The following LAMB4 variants were observed in gnomAD, a reference collection of about 807,000 sequenced individuals.
LAMB4 encodes the protein laminin subunit beta-4.
Under a neutral mutation model 199.2 loss-of-function variants are expected in LAMB4, and 196 were observed. That is an observed-to-expected ratio of 0.98 (90% CI 0.88 to 1.11). The LOEUF (loss-of-function observed/expected upper bound fraction) is 1.11. Ranked by LOEUF, LAMB4 falls within the 50% of genes least tolerant of loss-of-function variation. The probability of loss-of-function intolerance (pLI) is 0.00; values close to 1 mark genes in which losing one functional copy is unlikely to be tolerated. For synonymous variants in LAMB4, 744 were observed against 770.6 expected (o/e 0.97, Z 0.57); for missense variants, 2,080 against 2,171.2 (o/e 0.96, Z 0.83).
chr7:108,017,398 A>G, the LAMB4 span, among the ~76,000 whole-genome samples: 1 of 152,194 alleles, frequency 6.6e-6, no homozygotes, highest in Non-Finnish European at 1.5e-5. Context: ...CTCTCTTCCA[A>G]GGGGAGAGAA....
intron 14 of LAMB4, among the ~76,000 whole-genome samples, chr7:108,087,926 G>A (rs1298250796): frequency 6.6e-6 from 1 of 152,180 alleles, no homozygotes; most frequent in Admixed American, 6.5e-5. Context: ...GGTAATAAGA[G>A]CTTTTACTAA....
intron 4 of LAMB4, among the ~76,000 whole-genome samples, chr7:108,110,122 C>T (rs756806024): frequency 1.1e-4 from 16 of 152,142 alleles, no homozygotes; most frequent in African/African-American, 2.9e-4. Flanking sequence ...CTCTGCCTCC[C>T]GGGTCAGGGG....
rs1249941427 is a variant in LAMB4 at position 108,107,481 on chromosome 7, G to A, written c.591+150C>T. 7 of 615,378 alleles carry A rather than the reference G, an allele frequency of 1.1e-5. No homozygotes were observed. In the African/African-American group the frequency reaches 1.3e-4, roughly 12 times the overall value. The allele number at this position is 615,378 out of a possible 1,614,324, so 38.1% of individuals were successfully genotyped here. On this transcript the variant is annotated intron_variant, in intron 6 of 33. Coordinates refer to ENST00000388781, the MANE Select transcript of LAMB4 (RefSeq NM_007356.3). Reference sequence around the variant, plus strand: ...AAAAATGTATTTAGTATTTATTTGGGAATCATTTCAGTTTAGACACTTTCA... The same window carrying A: ...AAAAATGTATTTAGTATTTATTTGGAAATCATTTCAGTTTAGACACTTTCA...
At chr7:108,037,667 A>C in intron 29 of LAMB4, 72 bp from the exon 30 acceptor site, 1 of 1,171,606 alleles carries the variant, frequency 8.5e-7, no homozygotes, top group Non-Finnish European at 1.3e-6. Flanking sequence ...GTATAACCAC[A>C]ATGATGTCTC....
At chr7:108,119,330 C>T (rs2038519080) in intron 2 of LAMB4, among the ~76,000 whole-genome samples, 1 of 152,136 alleles carries the variant, frequency 6.6e-6, no homozygotes, top group South Asian at 2.1e-4. Flanking sequence ...AAACCCTATA[C>T]AAATGTCCAC....
At position 108,121,478 on chromosome 7, in the gene LAMB4, G is replaced by A. The variant is rs375534945; in HGVS notation, c.34+1653C>T. Among the ~76,000 whole-genome samples the A allele has an allele frequency of 3.9e-5, 6 of 152,096 alleles. No homozygotes were observed. In the South Asian group the frequency reaches 1.2e-3, roughly 32 times the overall value. On this transcript the variant is annotated intron_variant, in intron 2 of 33. Coordinates refer to ENST00000388781, the MANE Select transcript of LAMB4 (RefSeq NM_007356.3). ...AAATACCAAGAATGCGGCCTGGCAC[G>A]GTGGCTCACACCTGTAATCCCAGCA...
rs551298833 is a variant in LAMB4, at chr7:108,023,917, G to A, written c.*122C>T. On this transcript the variant is annotated 3_prime_UTR_variant, in exon 34 of 34. Coordinates refer to ENST00000388781, the MANE Select transcript of LAMB4 (RefSeq NM_007356.3). Reference sequence around the variant, plus strand: ...CCACACTGAGCAGGTGTCTAATAAGGACAGGGTGTGGGGAAGGAAGGTAGA... The same window carrying A: ...CCACACTGAGCAGGTGTCTAATAAGAACAGGGTGTGGGGAAGGAAGGTAGA... 5 of 741,806 alleles carry A rather than the reference G, an allele frequency of 6.7e-6. 1 individual carries two copies. The South Asian group carries it at 1.3e-4, about 19-fold the overall frequency. 46.0% of individuals were successfully genotyped at this position (741,806 alleles called of 1,614,324 possible). A position where few individuals can be genotyped will look rare whatever the true frequency, so the allele number is the denominator to read the frequency against.
chr7:108,047,955 A>T lies in LAMB4; in HGVS notation c.4279T>A (p.Ser1427Thr). The T allele has an allele frequency of 6.2e-7, 1 of 1,614,148 alleles. No individual in the cohort carries two copies. Among genetic ancestry groups the T allele is most frequent in the Non-Finnish European group, 8.5e-7 (1 of 1,180,026 alleles). ...NALQKAQEAK[S>T]IIRNLDKQVR... ...TGTTTGTCCAAATTACGAATAATGG[A>T]TTTTGCTTCCTGGGCTTTTTGGAGG... Residue 1427 changes from serine to threonine, a missense_variant, in exon 28 of 34, where the codon TCC becomes ACC. Coordinates refer to ENST00000388781, the MANE Select transcript of LAMB4 (RefSeq NM_007356.3).
chr7:108,077,066 T>G lies in LAMB4; in HGVS notation c.2004-2A>C. The G allele has an allele frequency of 1.9e-6, 3 of 1,613,218 alleles. No homozygotes were observed. The highest frequency in any genetic ancestry group is 2.5e-6 in the Non-Finnish European group (3 of 1,179,590). ...ATGGGTGTGGGAAGCAGCATGATTC[T>G]GTATTAAGAAAGATAAAGCAAAAAT... On this transcript the variant is annotated splice_acceptor_variant, in intron 16 of 33. Coordinates refer to ENST00000388781, the MANE Select transcript of LAMB4 (RefSeq NM_007356.3). LOFTEE classifies it high-confidence loss of function.
chr7:108,025,866 G>T (rs939866356), intron 33 of LAMB4, among the ~76,000 whole-genome samples: 3 of 152,154 alleles, frequency 2.0e-5, no homozygotes, highest in Non-Finnish European at 4.4e-5. Flanking sequence ...AGACCCATTC[G>T]CCATCCTCGT....
chr7:108,069,978 G>T, intron 17 of LAMB4, 93 bp from the exon 18 acceptor site: 1 of 990,898 alleles, frequency 1.0e-6, no homozygotes, highest in Non-Finnish European at 1.5e-6. Flanking sequence ...TGAAAATAAT[G>T]GTTCAAAGAA....
At chr7:108,105,157 T>A (rs1457337120) in intron 8 of LAMB4, among the ~76,000 whole-genome samples, 2 of 152,176 alleles carry the variant, frequency 1.3e-5, no homozygotes, top group African/African-American at 4.8e-5. Context: ...TTTTGCCTAA[T>A]AAACAGTTGA....
At chr7:108,016,152 C>T in the LAMB4 span, among the ~76,000 whole-genome samples, 8 of 152,140 alleles carry the variant, frequency 5.3e-5, no homozygotes, top group African/African-American at 1.9e-4. Flanking sequence ...GGCACATTTC[C>T]CATCACACCT....
intron 11 of LAMB4, among the ~76,000 whole-genome samples, chr7:108,097,579 A>C (rs1233735625): frequency 7.2e-5 from 11 of 152,174 alleles, no homozygotes; most frequent in Non-Finnish European, 1.6e-4. Flanking sequence ...AGGTCAGGAG[A>C]CAGAGACCAT....
At chr7:108,094,489 C>T (rs1372998646) in intron 12 of LAMB4, among the ~76,000 whole-genome samples, 1 of 151,888 alleles carries the variant, frequency 6.6e-6, no homozygotes, top group Non-Finnish European at 1.5e-5. Context: ...AAAACCATGT[C>T]CTCATAGGCA....
intron 14 of LAMB4, among the ~76,000 whole-genome samples, chr7:108,080,818 T>TAA (rs561672595): frequency 1.1e-4 from 15 of 142,498 alleles, no homozygotes; most frequent in African/African-American, 3.6e-4. Context: ...TTCAAACATT[T>TAA]AAAAAAAAAA....
At chr7:108,115,030 G>C (rs553071798) in intron 3 of LAMB4, among the ~76,000 whole-genome samples, 2 of 152,276 alleles carry the variant, frequency 1.3e-5, no homozygotes, top group South Asian at 4.2e-4. Flanking sequence ...CCATCTCAAG[G>C]CAGAGCAATG....
intron 31 of LAMB4, 123 bp downstream of exon 31, chr7:108,034,083 TTA>T (rs2035139906): frequency 1.1e-6 from 1 of 937,992 alleles, no homozygotes; most frequent in African/African-American, 1.6e-5. Context: ...TACCCAAATC[TTA>T]TTTATCCTCA....
rs57736384 is a variant in LAMB4 at position 108,061,571 on chromosome 7, T to C, written c.3282+1203A>G. ...CTGGCCAACATGGTGAAACCCTGTC[T>C]CTACTAAGAATACAAAAATTAGCTG... On this transcript the variant is annotated intron_variant, in intron 23 of 33. Transcript: ENST00000388781. Among the ~76,000 whole-genome samples the C allele has an allele frequency of 9.4e-3, 1,434 of 151,974 alleles. 16 individuals are homozygous for C. Among genetic ancestry groups the C allele is most frequent in the African/African-American group, 0.029 (1,221 of 41,428 alleles).
Sources: allele counts gnomAD v4.1 joint callset (sites outside exome capture counted in the v4.1 genomes callset), GRCh38; gene constraint gnomAD v4.1.1; transcripts MANE v1.5; gene names NCBI Gene and HGNC (gene_info 2026-07-23, HGNC 2026-07-21).